The following ATRNL1 variants were observed in gnomAD, a reference collection of about 807,000 sequenced individuals.
ATRNL1 encodes attractin-like protein 1.
In ATRNL1, 95 loss-of-function variants were observed where a neutral mutation model predicts 182.7. The observed-to-expected ratio is 0.52, with a 90% CI of 0.44 to 0.62. ATRNL1 has a LOEUF of 0.62. ATRNL1 is among the 20% of genes least tolerant of loss of function. The pLI is 0.00. For missense variants in ATRNL1, 1,471 were observed against 1,679.5 expected (o/e 0.88, Z 2.17); for synonymous variants, 576 against 568.3 (o/e 1.01, Z -0.19).
chr10:115,889,334 T>C (rs1952025407), intron 28 of ATRNL1, among the ~76,000 whole-genome samples: 1 of 129,436 alleles, frequency 7.7e-6, no homozygotes, highest in Non-Finnish European at 1.6e-5. Context: ...AAGTCAGTTT[T>C]TTGGGGTTTT....
intron 8 of ATRNL1, among the ~76,000 whole-genome samples, chr10:115,207,738 C>G (rs1271442902): frequency 2.0e-5 from 3 of 151,962 alleles, no homozygotes; most frequent in African/African-American, 7.2e-5. Flanking sequence ...CAAGTGGTTT[C>G]TGATGAAAAG....
Position 115,734,797 on chromosome 10 carries a change from C to A in ATRNL1, c.3903+7442C>A, listed in dbSNP as rs186677498. Among the ~76,000 whole-genome samples the A allele has an allele frequency of 3.8e-3, 576 of 152,042 alleles. 7 individuals carry two copies. The highest frequency in any genetic ancestry group is 3.1e-3 in the Non-Finnish European group (212 of 67,922). ...TTTGCTTTATTTTCATCCTGAATTTCCTATTATTTTTCCATCTTTAAAAAA... is the reference window on the plus strand; with the variant it reads ...TTTGCTTTATTTTCATCCTGAATTTACTATTATTTTTCCATCTTTAAAAAA... On this transcript the variant is annotated intron_variant, in intron 27 of 28. Transcript: ENST00000355044.
intron 13 of ATRNL1, among the ~76,000 whole-genome samples, chr10:115,280,248 A>G (rs1554916381): frequency 6.6e-6 from 1 of 152,198 alleles, no homozygotes; most frequent in East Asian, 1.9e-4. Context: ...AATTTGTTAG[A>G]AGGTGAAGCA....
At chr10:115,194,561 C>T (rs534900263) in intron 8 of ATRNL1, among the ~76,000 whole-genome samples, 179 of 151,310 alleles carry the variant, frequency 1.2e-3, no homozygotes, top group African/African-American at 4.1e-3. Flanking sequence ...TATCTTTTTT[C>T]ATCCCTTTAT....
intron 25 of ATRNL1, among the ~76,000 whole-genome samples, chr10:115,532,080 TC>T (rs1851625417): frequency 6.6e-6 from 1 of 151,464 alleles, no homozygotes; most frequent in Non-Finnish European, 1.5e-5. Context: ...CCAGCTTTGT[TC>T]TTTTGGCTTA....
At chr10:115,505,958 A>G (rs899662011) in intron 24 of ATRNL1, among the ~76,000 whole-genome samples, 1 of 151,836 alleles carries the variant, frequency 6.6e-6, no homozygotes, top group African/African-American at 2.4e-5. Context: ...GGTGGAAGAA[A>G]AAAAAAAAAA....
At chr10:115,944,250 G>A (rs1162294759) in intron 28 of ATRNL1, among the ~76,000 whole-genome samples, 1 of 135,808 alleles carries the variant, frequency 7.4e-6, no homozygotes, top group Admixed American at 7.6e-5. Flanking sequence ...TGCTTGAAAT[G>A]TTTTTAAAAA....
intron 15 of ATRNL1, among the ~76,000 whole-genome samples, chr10:115,295,776 C>A (rs1853153496): frequency 6.6e-6 from 1 of 152,070 alleles, no homozygotes; most frequent in African/African-American, 2.4e-5. Context: ...GGTTTCCCTG[C>A]TGTGTAGGAC....
chr10:115,203,907 C>T (rs1293918053), intron 8 of ATRNL1, among the ~76,000 whole-genome samples: 1 of 151,342 alleles, frequency 6.6e-6, no homozygotes, highest in Non-Finnish European at 1.5e-5. Context: ...TAGATTGGGT[C>T]AACTTTAAAA....
In ATRNL1 at chr10:115,363,532, A is replaced by G. The variant is rs528949795; in HGVS notation, c.3175+29113A>G. On this transcript the variant is annotated intron_variant, in intron 19 of 28. Transcript: ENST00000355044. ...AAGCTCTTTAGTTTAATTAGATCCC[A>G]TTTGTCAATTTTGTCTTTTGTTGCC... 1.7e-3 allele frequency among the ~76,000 whole-genome samples: 253 copies of G among 145,142 alleles called. 2 individuals are homozygous for G. The highest frequency in any genetic ancestry group is 4.1e-3 in the Admixed American group (59 of 14,502).
At chr10:115,228,660 T>C (rs1008603061) in intron 9 of ATRNL1, among the ~76,000 whole-genome samples, 1 of 152,168 alleles carries the variant, frequency 6.6e-6, no homozygotes, top group African/African-American at 2.4e-5. Flanking sequence ...AAGGAATTTA[T>C]TAAACTTTAC....
intron 10 of ATRNL1, among the ~76,000 whole-genome samples, chr10:115,248,185 A>G (rs926211073): frequency 6.6e-5 from 10 of 152,180 alleles, no homozygotes; most frequent in Non-Finnish European, 2.9e-5. Context: ...AATGTTTCTA[A>G]CACAAAGAAA....
At chr10:115,310,725 T>C (rs1853974603) in intron 17 of ATRNL1, among the ~76,000 whole-genome samples, 1 of 152,226 alleles carries the variant, frequency 6.6e-6, no homozygotes. Flanking sequence ...CTCTTCTTTG[T>C]TAATCTAGCT....
chr10:115,924,811 G>A (rs536805948), intron 28 of ATRNL1, among the ~76,000 whole-genome samples: 2 of 152,282 alleles, frequency 1.3e-5, no homozygotes, highest in South Asian at 2.1e-4. Context: ...TGATGGAATA[G>A]CGTTGGATCT....
intron 28 of ATRNL1, among the ~76,000 whole-genome samples, chr10:115,922,267 T>G (rs577771695): frequency 6.6e-6 from 1 of 152,240 alleles, no homozygotes; most frequent in Non-Finnish European, 1.5e-5. Context: ...GGGATCTGTA[T>G]GTTTTAATAA....
intron 10 of ATRNL1, among the ~76,000 whole-genome samples, chr10:115,261,195 A>G (rs1447204238): frequency 6.6e-6 from 1 of 152,200 alleles, no homozygotes; most frequent in African/African-American, 2.4e-5. Context: ...AATACCTTCA[A>G]TATCTGAAAA....
At chr10:115,367,640 C>CTTT (rs1564961772) in intron 19 of ATRNL1, among the ~76,000 whole-genome samples, 29 of 148,022 alleles carry the variant, frequency 2.0e-4, no homozygotes, top group Middle Eastern at 3.4e-3. Context: ...TTTTCCCCAT[C>CTTT]TTTGTGGTTT....
chr10:115,236,092 A>G (rs146715694), intron 9 of ATRNL1, among the ~76,000 whole-genome samples: 298 of 152,170 alleles, frequency 2.0e-3, no homozygotes, highest in African/African-American at 6.8e-3. Flanking sequence ...AGGTGTCTGT[A>G]TTCTTTAGAT....
At chr10:115,647,135 C>T (rs1274405688) in intron 26 of ATRNL1, among the ~76,000 whole-genome samples, 2 of 151,886 alleles carry the variant, frequency 1.3e-5, no homozygotes, top group African/African-American at 4.8e-5. Flanking sequence ...TGAACTCATC[C>T]TTTTTATGGC....
Sources: gnomAD v4.1 joint callset for allele counts (sites outside exome capture counted in the v4.1 genomes callset) on GRCh38, gnomAD v4.1.1 for gene constraint, MANE v1.5 for transcripts, NCBI Gene and HGNC (gene_info 2026-07-23, HGNC 2026-07-21) for gene names.